Variants in RSPO2 observed in about 807,000 individuals in gnomAD.
RSPO2 encodes R-spondin 2, also known as R-spondin-2.
RSPO2 carries 14 observed loss-of-function variants against 30.9 expected under a neutral mutation model. The ratio of observed to expected loss-of-function variants is 0.45; its 90% CI spans 0.30 to 0.71. The LOEUF is 0.71. RSPO2 is among the 30% of genes least tolerant of loss of function. RSPO2 has a pLI of 0.08. For missense variants in RSPO2, 264 were observed against 301.9 expected, an observed-to-expected ratio of 0.87 and a Z score of 0.93; for synonymous variants, 107 against 96.4, an observed-to-expected ratio of 1.11 and a Z score of -0.64.
intron 5 of RSPO2, among the ~76,000 whole-genome samples, chr8:107,904,683 T>C (rs138246492): frequency 1.2e-3 from 185 of 152,200 alleles, no homozygotes; most frequent in Middle Eastern, 3.4e-3. Context: ...GTAACTGAGA[T>C]GTCTGGTAAG....
In RSPO2 at chr8:108,002,188, G is replaced by A. The variant is rs990160363; in HGVS notation, c.95-12944C>T. On this transcript the variant is annotated intron_variant, in intron 2 of 5. Transcript: ENST00000276659. ...GACCCTGTGGAAATGTTGACAGACTGCTGGTGCTAATGGTAACCCCAGCAT... is the reference window on the plus strand; with the variant it reads ...GACCCTGTGGAAATGTTGACAGACTACTGGTGCTAATGGTAACCCCAGCAT... Among the ~76,000 whole-genome samples, 5 of 152,172 alleles carry A rather than the reference G, an allele frequency of 3.3e-5. No homozygotes were observed. The East Asian group carries it at 9.6e-4, about 29-fold the overall frequency.
At chr8:107,920,128 A>G (rs1494922) in intron 5 of RSPO2, among the ~76,000 whole-genome samples, 7 of 22,742 alleles carry the variant, frequency 3.1e-4, no homozygotes, top group Admixed American at 1.1e-3. Context: ...GAGGAAGAGA[A>G]AGAAGGAGGG....
chr8:107,960,919 T>C (rs1350252104), intron 3 of RSPO2, 102 bp from the exon 4 acceptor site: 5 of 807,504 alleles, frequency 6.2e-6, no homozygotes, highest in Non-Finnish European at 9.7e-6. Context: ...CCATTTGAAA[T>C]TCTCATCATC....
At chr8:108,015,741 T>C (rs893299978) in intron 2 of RSPO2, among the ~76,000 whole-genome samples, 1 of 152,138 alleles carries the variant, frequency 6.6e-6, no homozygotes, top group African/African-American at 2.4e-5. Flanking sequence ...TCCTTGTGTA[T>C]AAATCTCCAC....
At chr8:107,905,374 T>C (rs1191264647) in intron 5 of RSPO2, among the ~76,000 whole-genome samples, 1 of 152,078 alleles carries the variant, frequency 6.6e-6, no homozygotes, top group South Asian at 2.1e-4. Flanking sequence ...TATATATATG[T>C]ATACGTAATA....
intron 2 of RSPO2, among the ~76,000 whole-genome samples, chr8:108,050,871 G>A (rs1812059832): frequency 6.6e-6 from 1 of 152,106 alleles, no homozygotes; most frequent in African/African-American, 2.4e-5. Flanking sequence ...CTCTGGGTTG[G>A]GGGGAAATGT....
At chr8:107,963,198 A>G (rs1405771667) in intron 3 of RSPO2, among the ~76,000 whole-genome samples, 2 of 151,488 alleles carry the variant, frequency 1.3e-5, no homozygotes, top group African/African-American at 4.8e-5. Context: ...AAGGTGAAGT[A>G]TAAGTAATGA....
At chr8:107,925,846 G>C (rs1209748230) in intron 5 of RSPO2, among the ~76,000 whole-genome samples, 1 of 152,106 alleles carries the variant, frequency 6.6e-6, no homozygotes, top group Non-Finnish European at 1.5e-5. Flanking sequence ...GCTATTGTGA[G>C]TAGTGCCACA....
intron 5 of RSPO2, among the ~76,000 whole-genome samples, chr8:107,938,520 C>T (rs927307749): frequency 1.3e-5 from 2 of 152,102 alleles, no homozygotes; most frequent in African/African-American, 4.8e-5. Flanking sequence ...CTGTAATTCC[C>T]CAGCCCATCA....
chr8:108,035,673 G>T (rs375598482), intron 2 of RSPO2, among the ~76,000 whole-genome samples: 2 of 151,864 alleles, frequency 1.3e-5, no homozygotes, highest in African/African-American at 2.4e-5. Flanking sequence ...GGGTTTCACC[G>T]TGTTAGCCAG....
At chr8:108,077,395 AG>A (rs1180087541) in intron 2 of RSPO2, among the ~76,000 whole-genome samples, 1 of 152,136 alleles carries the variant, frequency 6.6e-6, no homozygotes, top group Non-Finnish European at 1.5e-5. Context: ...CTGATCCAGA[AG>A]GGTCCTAGAG....
Position 108,057,055 on chromosome 8 carries a change from C to CA in RSPO2, c.94+25489dup, listed in dbSNP as rs56727719. Among the ~76,000 whole-genome samples the CA allele has an allele frequency of 7.2e-3, 261 of 36,070 alleles. 67 individuals are homozygous for CA. The highest frequency in any genetic ancestry group is 0.011 in the East Asian group (13 of 1,230). The allele number at this position is 36,070 out of a possible 152,430, so 23.7% of individuals were successfully genotyped here. A position where few individuals can be genotyped will look rare whatever the true frequency, so the allele number is the denominator to read the frequency against. ...CTGGCAACAGAGTGAGACTCTGTCT[C>CA]AAAAAAAAAAAAAAAAAAAAAAAAA... On this transcript the variant is annotated intron_variant, in intron 2 of 5. Coordinates refer to ENST00000276659, the MANE Select transcript of RSPO2 (RefSeq NM_178565.5).
intron 2 of RSPO2, among the ~76,000 whole-genome samples, chr8:108,010,024 G>A (rs1007013338): frequency 2.6e-5 from 4 of 151,580 alleles, no homozygotes; most frequent in African/African-American, 9.7e-5. Flanking sequence ...ACTCCAGCCT[G>A]GGCAACAGAA....
chr8:108,023,822 G>T (rs1811123672), intron 2 of RSPO2, among the ~76,000 whole-genome samples: 1 of 152,124 alleles, frequency 6.6e-6, no homozygotes, highest in African/African-American at 2.4e-5. Context: ...GTTCTTTAAG[G>T]TCTGTATCCT....
At chr8:108,037,064 T>C (rs1450595487) in intron 2 of RSPO2, among the ~76,000 whole-genome samples, 1 of 152,182 alleles carries the variant, frequency 6.6e-6, no homozygotes, top group Non-Finnish European at 1.5e-5. Flanking sequence ...TACAGTGGCC[T>C]CTAAGTATTC....
chr8:108,047,569 C>G (rs1487015882), intron 2 of RSPO2, among the ~76,000 whole-genome samples: 2 of 152,158 alleles, frequency 1.3e-5, no homozygotes, highest in Non-Finnish European at 2.9e-5. Flanking sequence ...AGCCTGTGGT[C>G]AGGCATGGTG....
intron 5 of RSPO2, among the ~76,000 whole-genome samples, chr8:107,954,125 G>A (rs1813337257): frequency 1.3e-5 from 2 of 152,166 alleles, no homozygotes; most frequent in South Asian, 4.1e-4. Flanking sequence ...GCTTGACAAA[G>A]AAAGCAGGGA....
At chr8:108,007,830 C>T (rs777165561) in intron 2 of RSPO2, among the ~76,000 whole-genome samples, 1 of 152,120 alleles carries the variant, frequency 6.6e-6, no homozygotes, top group Non-Finnish European at 1.5e-5. Flanking sequence ...GTCTCAGCTA[C>T]TCCAGAGGCT....
chr8:107,943,728 C>T (rs1031823021), intron 5 of RSPO2, among the ~76,000 whole-genome samples: 1 of 152,106 alleles, frequency 6.6e-6, no homozygotes, highest in Admixed American at 6.5e-5. Flanking sequence ...GACAATTATA[C>T]CAAATAGAGG....
Sources: allele counts gnomAD v4.1 joint callset (sites outside exome capture counted in the v4.1 genomes callset), GRCh38; gene constraint gnomAD v4.1.1; transcripts MANE v1.5; gene names NCBI Gene and HGNC (gene_info 2026-07-23, HGNC 2026-07-21).